RNF185: variants seen among roughly 807,000 people sequenced by gnomAD.
RNF185 encodes the protein E3 ubiquitin-protein ligase RNF185.
Under a neutral mutation model 24.9 loss-of-function variants are expected in RNF185, and 13 were observed. That is an observed-to-expected ratio of 0.52 (90% confidence interval 0.34 to 0.83). The LOEUF (loss-of-function observed/expected upper bound fraction) is 0.83. Among genes scored for constraint, RNF185 ranks in the 40% least tolerant of loss-of-function variants. The probability of loss-of-function intolerance (pLI) is 0.01; values close to 1 mark genes in which losing one functional copy is unlikely to be tolerated. For missense variants in RNF185, 184 were observed against 244.7 expected (o/e 0.75, Z 1.65); for synonymous variants, 79 against 90.3 (o/e 0.88, Z 0.71).
rs1475548553 is a variant in RNF185 at position 31,180,917 on chromosome 22, G to C, written c.-48-6130G>C. ...TTCTAGGCATTTTCTCTCTCTCTCTGTGTGTGTGTGTGTGTGTGTGTGTGT... is the reference window on the plus strand; with the variant it reads ...TTCTAGGCATTTTCTCTCTCTCTCTCTGTGTGTGTGTGTGTGTGTGTGTGT... On this transcript the variant is annotated intron_variant, in intron 1 of 6. Coordinates refer to ENST00000326132, the MANE Select transcript of RNF185 (RefSeq NM_152267.4). 7.4e-4 allele frequency among the ~76,000 whole-genome samples: 49 copies of C among 66,516 alleles called. 1 individual carries two copies. Among genetic ancestry groups the C allele is most frequent in the Admixed American group, 4.4e-3 (24 of 5,410 alleles). The allele number at this position is 66,516 out of a possible 152,430, so 43.6% of individuals were successfully genotyped here.
rs772642491 is a variant in RNF185 at position 31,187,072 on chromosome 22, CAG to C, written c.-20_-19del. 2.5e-6 allele frequency: 4 copies of C among 1,594,106 alleles called. No individual in the cohort carries two copies. The South Asian group carries it at 3.4e-5, about 13-fold the overall frequency. ...GATTTCCCTGGGGAAAGTCTTCACT[CAG>C]AGCTTCGCTGACAGCCAAGGATGGC... On this transcript the variant is annotated 5_prime_UTR_variant, in exon 2 of 7. Transcript: ENST00000326132.
intron 2 of RNF185, among the ~76,000 whole-genome samples, chr22:31,191,649 G>A (rs762788156): frequency 6.6e-6 from 1 of 152,048 alleles, no homozygotes; most frequent in Non-Finnish European, 1.5e-5. Flanking sequence ...TGACTAACAC[G>A]GTGAAACCCC....
chr22:31,169,095 G>C (rs1017206699), intron 1 of RNF185, among the ~76,000 whole-genome samples: 2 of 152,086 alleles, frequency 1.3e-5, no homozygotes, highest in Admixed American at 1.3e-4. Context: ...ATTTTTAGTA[G>C]AGACAAGGTT....
intron 2 of RNF185, among the ~76,000 whole-genome samples, chr22:31,191,212 C>T (rs950631260): frequency 3.3e-5 from 5 of 152,194 alleles, no homozygotes; most frequent in Non-Finnish European, 5.9e-5. Flanking sequence ...CATTCATTCA[C>T]CTCCACTTCT....
chr22:31,168,886 T>G (rs549965350), intron 1 of RNF185, among the ~76,000 whole-genome samples: 2 of 152,142 alleles, frequency 1.3e-5, no homozygotes, highest in South Asian at 4.1e-4. Flanking sequence ...TCAAGTCCTT[T>G]GCCCCCCCGC....
At chr22:31,188,093 A>G (rs1397734750) in intron 2 of RNF185, among the ~76,000 whole-genome samples, 1 of 152,186 alleles carries the variant, frequency 6.6e-6, no homozygotes, top group Non-Finnish European at 1.5e-5. Context: ...AGGCTACTGT[A>G]TACCTCTCAC....
At chr22:31,176,553 A>T (rs1602803611) in intron 1 of RNF185, among the ~76,000 whole-genome samples, 3 of 145,772 alleles carry the variant, frequency 2.1e-5, no homozygotes, top group East Asian at 4.0e-4. Flanking sequence ...TAGTGGTGCG[A>T]TCTCAGCTCA....
At chr22:31,183,849 C>A (rs531979162) in intron 1 of RNF185, among the ~76,000 whole-genome samples, 2 of 152,204 alleles carry the variant, frequency 1.3e-5, no homozygotes, top group Non-Finnish European at 2.9e-5. Context: ...CTTTTCTATT[C>A]GACAAAACCG....
chr22:31,169,035 G>A (rs1194740243), intron 1 of RNF185, among the ~76,000 whole-genome samples: 1 of 152,038 alleles, frequency 6.6e-6, no homozygotes, highest in Non-Finnish European at 1.5e-5. Flanking sequence ...AGCCTCGCAC[G>A]TAGCTGGAAG....
rs2048299435 is a variant in RNF185 at position 31,204,812 on chromosome 22, A to G, written c.*226A>G. 4.1e-6 allele frequency: 2 copies of G among 491,554 alleles called. No individual in the cohort carries two copies. The highest frequency in any genetic ancestry group is 7.5e-6 in the Non-Finnish European group (2 of 267,592). 30.4% of individuals were successfully genotyped at this position (491,554 alleles called of 1,614,324 possible). A position where few individuals can be genotyped will look rare whatever the true frequency, so the allele number is the denominator to read the frequency against. On this transcript the variant is annotated 3_prime_UTR_variant, in exon 7 of 7. Transcript: ENST00000326132. ...ACACTCTATAACTTCAGGCCTTGGCATTGAGTCATCTCTCATGGGTGACAC... is the reference window on the plus strand; with the variant it reads ...ACACTCTATAACTTCAGGCCTTGGCGTTGAGTCATCTCTCATGGGTGACAC...
intron 1 of RNF185, among the ~76,000 whole-genome samples, chr22:31,168,161 A>G (rs1038064539): frequency 6.6e-6 from 1 of 152,168 alleles, no homozygotes; most frequent in Admixed American, 6.5e-5. Context: ...GTTTACTCTA[A>G]GTACGTCATA....
chr22:31,181,993 T>TA (rs1332933136), intron 1 of RNF185, among the ~76,000 whole-genome samples: 3 of 151,054 alleles, frequency 2.0e-5, no homozygotes, highest in Admixed American at 1.3e-4. Flanking sequence ...CCCTAGAACT[T>TA]AAAGTATAAT....
chr22:31,173,303 A>G (rs1025518248), intron 1 of RNF185, among the ~76,000 whole-genome samples: 5 of 151,644 alleles, frequency 3.3e-5, no homozygotes, highest in Admixed American at 2.6e-4. Flanking sequence ...TCTGAACAGC[A>G]TGTTTTGCTG....
rs1332255689 is a variant in RNF185, at chr22:31,204,897, AAG to A, written c.*317_*318del. The A allele has an allele frequency of 3.7e-6, 1 of 271,556 alleles. No individual in the cohort carries two copies. The highest frequency in any genetic ancestry group is 7.4e-6 in the Non-Finnish European group (1 of 135,652). The allele number at this position is 271,556 out of a possible 1,614,324, so 16.8% of individuals were successfully genotyped here. On this transcript the variant is annotated 3_prime_UTR_variant, in exon 7 of 7. Transcript: ENST00000326132. ...TGACTCTGCAGAGGGAAGAGGCAGA[AAG>A]AGAGAAACTGTCAGAGTATAATTTC...
intron 1 of RNF185, among the ~76,000 whole-genome samples, chr22:31,174,671 C>T (rs145695520): frequency 5.8e-4 from 88 of 151,728 alleles, no homozygotes; most frequent in African/African-American, 2.0e-3. Flanking sequence ...AGCCACCATT[C>T]TTGTCCTCCA....
Position 31,167,100 on chromosome 22 carries a change from G to T in RNF185, c.-49+6797G>T, listed in dbSNP as rs918345618. On this transcript the variant is annotated intron_variant, in intron 1 of 6. Coordinates refer to ENST00000326132, the MANE Select transcript of RNF185 (RefSeq NM_152267.4). The stretch of plus-strand genomic sequence containing the variant: ...AATGTAGTTTTGATTTTTAAATAAG[G>T]AGCATAGATTTTCTTAAAATTTTTT... 2.6e-5 allele frequency among the ~76,000 whole-genome samples: 4 copies of T among 152,114 alleles called. No individual in the cohort carries two copies. In the East Asian group the frequency reaches 7.7e-4, roughly 29 times the overall value.
chr22:31,168,197 CT>C (rs1924052597), intron 1 of RNF185, among the ~76,000 whole-genome samples: 1 of 152,034 alleles, frequency 6.6e-6, no homozygotes. Flanking sequence ...AGTATTTGTC[CT>C]TTTTATTTTT....
chr22:31,191,827 CAAAAAA>C lies in RNF185; in HGVS notation c.177-842_177-837del, dbSNP rs71784545. 1.4e-3 allele frequency among the ~76,000 whole-genome samples: 88 copies of C among 64,356 alleles called. 1 individual carries two copies. In the East Asian group the frequency reaches 0.027, roughly 20 times the overall value. The allele number at this position is 64,356 out of a possible 152,430, so 42.2% of individuals were successfully genotyped here. ...GGGCAACAAGAACAAAACTTCGTCT[CAAAAAA>C]AAAAAAAAAAAAAAGTGGAGTTGAA... On this transcript the variant is annotated intron_variant, in intron 2 of 6. Coordinates refer to ENST00000326132, the MANE Select transcript of RNF185 (RefSeq NM_152267.4).
At chr22:31,187,328 C>T (rs2048110055) in intron 2 of RNF185, 58 bp downstream of exon 2, 1 of 1,593,062 alleles carries the variant, frequency 6.3e-7, no homozygotes, top group East Asian at 2.2e-5. Flanking sequence ...AAGCCTGTGG[C>T]CCTGGGTGGT....
Sources: allele counts gnomAD v4.1 joint callset (sites outside exome capture counted in the v4.1 genomes callset), GRCh38; gene constraint gnomAD v4.1.1; transcripts MANE v1.5; gene names NCBI Gene and HGNC (gene_info 2026-07-23, HGNC 2026-07-21).